SFSWAP: variants seen among roughly 807,000 people sequenced by gnomAD.
SFSWAP encodes splicing factor, suppressor of white-apricot homolog.
SFSWAP carries 17 observed loss-of-function variants against 100.7 expected under a neutral mutation model. That is an observed-to-expected ratio of 0.17 (90% CI 0.12 to 0.25). SFSWAP has a LOEUF of 0.25. SFSWAP is among the 10% of genes least tolerant of loss of function. The pLI, the probability that SFSWAP is intolerant of heterozygous loss-of-function variation, is 1.00. For missense variants in SFSWAP, 1,005 were observed against 1,262.6 expected, an observed-to-expected ratio of 0.80 and a Z score of 3.09; for synonymous variants, 504 against 510.1, an observed-to-expected ratio of 0.99 and a Z score of 0.16.
At position 131,797,363 on chromosome 12, in the gene SFSWAP, A is replaced by T; in HGVS notation, c.2717+3A>T. ...GGCTCCAGCCAGGAGCGCTCCAGGT[A>T]ACCCCTGTCCTCCAGCAGCTCTCTC... On this transcript the variant is annotated splice_donor_region_variant and intron_variant, in intron 16 of 17. Coordinates refer to ENST00000261674, the MANE Select transcript of SFSWAP (RefSeq NM_004592.4). 6.2e-7 allele frequency: 1 copy of T among 1,604,114 alleles called. No homozygotes were observed.
Position 131,714,736 on chromosome 12 carries a change from T to C in SFSWAP, c.389-86T>C. The C allele has an allele frequency of 1.6e-6, 2 of 1,270,892 alleles. No homozygotes were observed. Among genetic ancestry groups the C allele is most frequent in the Non-Finnish European group, 2.2e-6 (2 of 893,446 alleles). 78.7% of individuals were successfully genotyped at this position (1,270,892 alleles called of 1,614,324 possible). On this transcript the variant is annotated intron_variant, in intron 2 of 17. Coordinates refer to ENST00000261674, the MANE Select transcript of SFSWAP (RefSeq NM_004592.4). This position sits in a 1 kb window ranked among gnomAD's most constrained non-coding sequence, Gnocchi z 6.0. ...GTTGAAAAAAGTATGTTGTATGCTTTACTGATAGCTACAACTTTAGAAATA... is the reference window on the plus strand; with the variant it reads ...GTTGAAAAAAGTATGTTGTATGCTTCACTGATAGCTACAACTTTAGAAATA...
At chr12:131,735,604 G>C (rs1879932466) in intron 7 of SFSWAP, among the ~76,000 whole-genome samples, 1 of 152,228 alleles carries the variant, frequency 6.6e-6, no homozygotes, top group African/African-American at 2.4e-5. Flanking sequence ...TACACATGCT[G>C]TGTGTGGACC....
intron 7 of SFSWAP, among the ~76,000 whole-genome samples, chr12:131,745,367 G>A (rs560284680): frequency 2.0e-3 from 311 of 152,304 alleles, no homozygotes; most frequent in African/African-American, 7.2e-3. Context: ...GAAGTCAGAA[G>A]TCATGAGAAT....
chr12:131,743,503 C>T (rs1880845760), intron 7 of SFSWAP, among the ~76,000 whole-genome samples: 1 of 152,250 alleles, frequency 6.6e-6, no homozygotes, highest in African/African-American at 2.4e-5. Flanking sequence ...CTCCATGTCT[C>T]GCATCCAGGT....
chr12:131,728,378 A>G lies in SFSWAP; in HGVS notation c.1031A>G (p.Asn344Ser). ...GACAGTTCCACTCCCACCCCACACA[A>G]CGCAGACGGTGCGCCTGTGCAGCCC... ...QADSSTPTPH[N>S]ADGAPVQPSQ... Residue 344 changes from asparagine (N) to serine (S), a missense_variant, in exon 7 of 18, where the codon AAC (asparagine) becomes AGC (serine). Around this residue, in one of 7 missense-constraint regions of SFSWAP, gnomAD observed 311 missense variants for 317.8 expected, o/e 0.98. Coordinates refer to ENST00000261674, the MANE Select transcript of SFSWAP (RefSeq NM_004592.4). 1.9e-6 allele frequency: 3 copies of G among 1,614,186 alleles called. No homozygotes were observed. Among genetic ancestry groups the G allele is most frequent in the African/African-American group, 1.3e-5 (1 of 75,036 alleles).
At chr12:131,753,606 C>T (rs993169936) in intron 8 of SFSWAP, 19 of 543,238 alleles carry the variant, frequency 3.5e-5, no homozygotes, top group East Asian at 5.8e-5. Flanking sequence ...TCACGTCGCA[C>T]GCTGGCCCCA....
rs541323392 is a variant in SFSWAP at position 131,759,199 on chromosome 12, GCTTT to G, written c.1720+2558_1720+2561del. On this transcript the variant is annotated intron_variant, in intron 11 of 17. Coordinates refer to ENST00000261674, the MANE Select transcript of SFSWAP (RefSeq NM_004592.4). The stretch of plus-strand genomic sequence containing the variant: ...AATTTGAAAATCAGTGAAAAATATC[GCTTT>G]CTAAGAAAACATAAGTGCTGAAATT... Among the ~76,000 whole-genome samples, 175 of 152,164 alleles carry G rather than the reference GCTTT, an allele frequency of 1.2e-3. 1 individual carries two copies. The highest frequency in any genetic ancestry group is 3.9e-3 in the African/African-American group (163 of 41,506).
At chr12:131,713,219 T>C (rs552338554) in intron 1 of SFSWAP, 1 of 152,338 alleles carries the variant, frequency 6.6e-6, no homozygotes, top group Admixed American at 6.5e-5. Flanking sequence ...ATTCATTTAT[T>C]ATCTGACAGT....
At chr12:131,724,138 C>G (rs754246868) in intron 4 of SFSWAP, among the ~76,000 whole-genome samples, 13 of 152,170 alleles carry the variant, frequency 8.5e-5, no homozygotes, top group Non-Finnish European at 1.6e-4. Context: ...AAATTACTTA[C>G]ACATTGCTTT....
chr12:131,755,488 C>G lies in SFSWAP; in HGVS notation c.1548+9C>G. 1 of 1,597,636 alleles carries G rather than the reference C, an allele frequency of 6.3e-7. No homozygotes were observed. The highest frequency in any genetic ancestry group is 8.6e-7 in the Non-Finnish European group (1 of 1,165,288). ...GGGGCGATAGCATGCAGGTACGTGT[C>G]TGAATGCAGGGAGGCTGTGAAGCTC... is the stretch of plus-strand genomic sequence containing the variant. On this transcript the variant is annotated intron_variant, in intron 10 of 17. Coordinates refer to ENST00000261674, the MANE Select transcript of SFSWAP (RefSeq NM_004592.4).
At chr12:131,758,294 TG>T (rs1882364615) in intron 11 of SFSWAP, among the ~76,000 whole-genome samples, 1 of 152,104 alleles carries the variant, frequency 6.6e-6, no homozygotes, top group Non-Finnish European at 1.5e-5. Context: ...CACACTTCCC[TG>T]ATTGTCCTAG....
intron 7 of SFSWAP, among the ~76,000 whole-genome samples, chr12:131,746,945 A>C (rs1482775021): frequency 6.6e-6 from 1 of 152,096 alleles, no homozygotes. Flanking sequence ...TCTACTAAAA[A>C]TACAAAAAAT....
chr12:131,775,189 T>C (rs1883914763), intron 13 of SFSWAP, among the ~76,000 whole-genome samples: 1 of 151,736 alleles, frequency 6.6e-6, no homozygotes, highest in Non-Finnish European at 1.5e-5. Context: ...ATGAGGAGAG[T>C]TCTTCACCAG....
In SFSWAP at chr12:131,764,524, C is replaced by T; in HGVS notation, c.1789C>T (p.Arg597Cys). Residue 597 changes from arginine (R) to cysteine (C), a missense_variant, in exon 12 of 18, where the codon CGT becomes TGT. By Grantham distance (180) the Arg-to-Cys change is radical (BLOSUM62 -3). Coordinates refer to ENST00000261674, the MANE Select transcript of SFSWAP (RefSeq NM_004592.4). ...ENDLLPLEKN[R>C]VKLDDDSDDD... is the part of the protein sequence containing the mutation. ...TGATCTGCTTCCCCTGGAAAAAAAT[C>T]GTGTTAAGCTAGATGATGACAGTGA... The T allele has an allele frequency of 6.2e-7, 1 of 1,614,114 alleles. No homozygotes were observed. The highest frequency in any genetic ancestry group is 8.5e-7 in the Non-Finnish European group (1 of 1,180,036).
rs1002273454 is a variant in SFSWAP, at chr12:131,733,486, C to G, written c.1081+5058C>G. Among the ~76,000 whole-genome samples the G allele has an allele frequency of 6.6e-6, 1 of 152,092 alleles. No homozygotes were observed. The highest frequency in any genetic ancestry group is 1.5e-5 in the Non-Finnish European group (1 of 68,026). ...AGGCAGCGACGCTGCCTGCACTGCC[C>G]CACCGCTCAGAGGGCCACAGGAGCA... On this transcript the variant is annotated intron_variant, in intron 7 of 17. Coordinates refer to ENST00000261674, the MANE Select transcript of SFSWAP (RefSeq NM_004592.4). The surrounding 1 kb of genome is among the most constrained non-coding windows in gnomAD (Gnocchi z 5.1).
intron 11 of SFSWAP, chr12:131,757,403 C>G (rs935471841): frequency 6.6e-6 from 1 of 152,430 alleles, no homozygotes; most frequent in East Asian, 1.9e-4. Context: ...CCCCGGTGCA[C>G]CCTGTCGGGG....
At position 131,714,699 on chromosome 12, in the gene SFSWAP, C is replaced by T; in HGVS notation, c.389-123C>T. Reference sequence around the variant, plus strand: ...AGTGTGAATTTTTAAAACTATTTTACCTCAAAAGTAGGTTGAAAAAAGTAT... The same window carrying T: ...AGTGTGAATTTTTAAAACTATTTTATCTCAAAAGTAGGTTGAAAAAAGTAT... On this transcript the variant is annotated intron_variant, in intron 2 of 17. Transcript: ENST00000261674. The surrounding 1 kb of genome is among the most constrained non-coding windows in gnomAD (Gnocchi z 6.0). 1 of 832,390 alleles carries T rather than the reference C, an allele frequency of 1.2e-6. No individual in the cohort carries two copies. The allele number at this position is 832,390 out of a possible 1,614,324, so 51.6% of individuals were successfully genotyped here. A position where few individuals can be genotyped will look rare whatever the true frequency, so the allele number is the denominator to read the frequency against.
intron 14 of SFSWAP, among the ~76,000 whole-genome samples, chr12:131,781,234 A>ATTTT (rs66608201): frequency 2.0e-4 from 20 of 102,292 alleles, no homozygotes; most frequent in African/African-American, 6.6e-4. Flanking sequence ...ATATCTTATT[A>ATTTT]TTTTTTTTTT....
chr12:131,711,355 C>T lies in SFSWAP; in HGVS notation c.126C>T (p.Cys42=), dbSNP rs374613551. ...AGCTCTTGGTTTTCGGCTATGCCTG[C>T]AAGCTGTTCCGGGACGACGAGCGGG... ...RVELLVFGYA[C]KLFRDDERAL... is the part of the protein sequence containing the mutation. Residue 42 remains cysteine, a synonymous_variant, in exon 1 of 18, where the codon TGC becomes TGT. Coordinates refer to ENST00000261674, the MANE Select transcript of SFSWAP (RefSeq NM_004592.4). The surrounding 1 kb of genome is among the most constrained non-coding windows in gnomAD (Gnocchi z 4.9). 5.0e-6 allele frequency: 8 copies of T among 1,613,918 alleles called. No homozygotes were observed. The highest frequency in any genetic ancestry group is 1.3e-5 in the African/African-American group (1 of 74,938).
Sources: gnomAD v4.1 joint callset for allele counts (sites outside exome capture counted in the v4.1 genomes callset) on GRCh38, gnomAD v4.1.1 for gene constraint, gnomAD v4.1.1 regional missense constraint, Gnocchi (gnomAD v3.1) non-coding constraint, MANE v1.5 for transcripts, NCBI Gene and HGNC (gene_info 2026-07-23, HGNC 2026-07-21) for gene names.